The following SCAPER variants were observed in gnomAD, a reference collection of about 807,000 sequenced individuals.
The protein encoded by SCAPER is S phase cyclin A-associated protein in the endoplasmic reticulum.
In SCAPER, 98 loss-of-function variants were observed where a neutral mutation model predicts 182.2. The observed-to-expected ratio is 0.54, with a 90% CI of 0.46 to 0.64. The LOEUF is 0.64. Ranked by LOEUF, SCAPER falls within the 30% of genes least tolerant of loss-of-function variation. The pLI is 0.00. For synonymous variants in SCAPER, 605 were observed against 564.6 expected (o/e 1.07, Z -1.01); for missense variants, 1,432 against 1,690.0 (o/e 0.85, Z 2.68).
chr15:76,521,411 T>C (rs2042825671), intron 23 of SCAPER, among the ~76,000 whole-genome samples: 1 of 151,152 alleles, frequency 6.6e-6, no homozygotes, highest in Non-Finnish European at 1.5e-5. Context: ...CCCCAAATAA[T>C]TAGGCTCACG....
At chr15:76,394,564 A>G (rs1168996265) in intron 27 of SCAPER, among the ~76,000 whole-genome samples, 1 of 152,192 alleles carries the variant, frequency 6.6e-6, no homozygotes, top group Admixed American at 6.5e-5. Flanking sequence ...TTCGTCTCTT[A>G]CCTGGACAAC....
chr15:76,394,090 C>T (rs567717624), intron 27 of SCAPER, among the ~76,000 whole-genome samples: 61 of 152,120 alleles, frequency 4.0e-4, no homozygotes, highest in Admixed American at 1.3e-3. Flanking sequence ...TTATTGTAAC[C>T]GTAACAAGAA....
chr15:76,595,105 T>C (rs1296385398), intron 22 of SCAPER, among the ~76,000 whole-genome samples: 2 of 119,800 alleles, frequency 1.7e-5, no homozygotes, highest in African/African-American at 2.5e-5. Flanking sequence ...AAGACAAAAA[T>C]AGGCACAAAA....
chr15:76,786,654 AC>A (rs1230171979), intron 8 of SCAPER, among the ~76,000 whole-genome samples: 5 of 152,136 alleles, frequency 3.3e-5, no homozygotes, highest in African/African-American at 4.8e-5. Flanking sequence ...AGACAGTGCC[AC>A]AAAAAACAAA....
At chr15:76,382,048 A>G (rs140164107) in intron 27 of SCAPER, among the ~76,000 whole-genome samples, 65 of 152,346 alleles carry the variant, frequency 4.3e-4, no homozygotes, top group African/African-American at 1.4e-3. Context: ...GGAAAGCATG[A>G]GGCCTCAAAA....
intron 8 of SCAPER, among the ~76,000 whole-genome samples, chr15:76,779,533 A>T (rs935260520): frequency 1.3e-5 from 2 of 152,192 alleles, no homozygotes; most frequent in African/African-American, 4.8e-5. Context: ...CGTAACTGTT[A>T]AAGAAACTCA....
chr15:76,576,706 AC>A (rs2145419046), intron 22 of SCAPER, among the ~76,000 whole-genome samples: 1 of 151,846 alleles, frequency 6.6e-6, no homozygotes, highest in South Asian at 2.1e-4. Context: ...CCTGGCAGCC[AC>A]CCTGTGGTGC....
intron 20 of SCAPER, among the ~76,000 whole-genome samples, chr15:76,671,757 G>C (rs1478895662): frequency 1.3e-5 from 2 of 151,288 alleles, no homozygotes; most frequent in African/African-American, 4.9e-5. Context: ...GAGACAGAGC[G>C]AGACTCCGTT....
Position 76,381,494 on chromosome 15 carries a change from AGATGGTGCC to A in SCAPER, c.3580_3588del (p.Gly1194_Ile1196del), listed in dbSNP as rs749348096. ...TTGGGACTGGCAGTGCTGGGGTCCA[AGATGGTGCC>A]ATGGAAGAGGACACAGTAGAGCATA... is the stretch of plus-strand genomic sequence containing the variant. On this transcript the variant is annotated inframe_deletion, in exon 28 of 32. Coordinates refer to ENST00000563290, the MANE Select transcript of SCAPER (RefSeq NM_020843.4). The A allele has an allele frequency of 3.1e-6, 5 of 1,613,714 alleles. No homozygotes were observed. The South Asian group carries it at 5.5e-5, about 18-fold the overall frequency.
At chr15:76,826,380 G>A (rs2068020912) in intron 5 of SCAPER, among the ~76,000 whole-genome samples, 1 of 138,960 alleles carries the variant, frequency 7.2e-6, no homozygotes, top group South Asian at 2.3e-4. Context: ...CATGGACACA[G>A]GAAGGGGAAC....
At chr15:76,492,266 A>G (rs1489798115) in intron 24 of SCAPER, among the ~76,000 whole-genome samples, 1 of 152,228 alleles carries the variant, frequency 6.6e-6, no homozygotes, top group Non-Finnish European at 1.5e-5. Flanking sequence ...GCAAAACCAG[A>G]TCTCATTTAC....
At chr15:76,745,001 A>T (rs1257164953) in intron 15 of SCAPER, among the ~76,000 whole-genome samples, 1 of 152,224 alleles carries the variant, frequency 6.6e-6, no homozygotes, top group East Asian at 1.9e-4. Flanking sequence ...AGCAACATAG[A>T]TGGAACTGAA....
chr15:76,409,919 C>T (rs2045159385), intron 26 of SCAPER, among the ~76,000 whole-genome samples: 1 of 151,562 alleles, frequency 6.6e-6, no homozygotes, highest in Non-Finnish European at 1.5e-5. Context: ...TCCTGAGTAG[C>T]TGAGACTACA....
intron 24 of SCAPER, among the ~76,000 whole-genome samples, chr15:76,501,804 G>A (rs1399403276): frequency 1.3e-5 from 2 of 152,234 alleles, no homozygotes; most frequent in African/African-American, 4.8e-5. Flanking sequence ...GAAGTGCCCA[G>A]GGACTATGGA....
At chr15:76,634,175 G>T (rs546188760) in intron 21 of SCAPER, among the ~76,000 whole-genome samples, 1 of 152,202 alleles carries the variant, frequency 6.6e-6, no homozygotes, top group Non-Finnish European at 1.5e-5. Context: ...GGAAAAGCAT[G>T]GTTTTCAGGG....
chr15:76,490,346 C>T (rs528467403), intron 24 of SCAPER, among the ~76,000 whole-genome samples: 1 of 152,224 alleles, frequency 6.6e-6, no homozygotes, highest in African/African-American at 2.4e-5. Context: ...GTGTGAGGTG[C>T]TATTTCGTTG....
intron 24 of SCAPER, among the ~76,000 whole-genome samples, chr15:76,488,727 T>C: frequency 8.0e-6 from 1 of 125,778 alleles, no homozygotes; most frequent in Non-Finnish European, 1.7e-5. Context: ...TTTTTTTTTT[T>C]TTTTTTTTTT....
chr15:76,891,216 C>T (rs986114740), intron 1 of SCAPER, among the ~76,000 whole-genome samples: 2 of 152,112 alleles, frequency 1.3e-5, no homozygotes, highest in Non-Finnish European at 2.9e-5. Context: ...CAAGATCATA[C>T]CGAATGGGCA....
intron 21 of SCAPER, among the ~76,000 whole-genome samples, chr15:76,636,739 T>C (rs185231951): frequency 1.3e-5 from 2 of 152,314 alleles, no homozygotes; most frequent in Admixed American, 1.3e-4. Context: ...CCTACTGATA[T>C]TCAGTTAAAT....
Sources: allele counts gnomAD v4.1 joint callset (sites outside exome capture counted in the v4.1 genomes callset), GRCh38; gene constraint gnomAD v4.1.1; transcripts MANE v1.5; gene names NCBI Gene and HGNC (gene_info 2026-07-23, HGNC 2026-07-21).